The following COG3 variants were observed in gnomAD, a reference collection of about 807,000 sequenced individuals.
COG3 encodes the protein conserved oligomeric Golgi complex subunit 3.
Under a neutral mutation model 114.1 loss-of-function variants are expected in COG3, and 32 were observed. That is an observed-to-expected ratio of 0.28 (90% confidence interval 0.21 to 0.38). COG3 has a LOEUF of 0.38. COG3 is among the 10% of genes least tolerant of loss of function. COG3 has a pLI of 1.00. For synonymous variants in COG3, 352 were observed against 365.7 expected (o/e 0.96, Z 0.43); for missense variants, 813 against 973.2 (o/e 0.84, Z 2.19).
rs1046717478 is a variant in COG3 at position 45,534,954 on chromosome 13, T to C, written c.*223T>C. On this transcript the variant is annotated 3_prime_UTR_variant, in exon 23 of 23. Coordinates refer to ENST00000349995, the MANE Select transcript of COG3 (RefSeq NM_031431.4). ...ATGCCAAAGATTAATCTGTGATTGG[T>C]GATAACTGCCTCGTTTAAATGGTCA... The C allele has an allele frequency of 1.5e-5, 19 of 1,246,394 alleles. No homozygotes were observed. In the African/African-American group the frequency reaches 2.8e-4, roughly 18 times the overall value. The allele number at this position is 1,246,394 out of a possible 1,614,324, so 77.2% of individuals were successfully genotyped here. A position where few individuals can be genotyped will look rare whatever the true frequency, so the allele number is the denominator to read the frequency against.
chr13:45,491,428 A>G lies in COG3; in HGVS notation c.985A>G (p.Asn329Asp). The G allele has an allele frequency of 6.2e-7, 1 of 1,610,100 alleles. No homozygotes were observed. The highest frequency in any genetic ancestry group is 8.5e-7 in the Non-Finnish European group (1 of 1,178,904). The change falls in exon 10 of 23, where the codon AAT becomes GAT. Residue 329 changes from asparagine (N) to aspartate (D), a missense_variant. Physicochemically the swap from Asn to Asp is conservative, Grantham distance 23. Around this residue, in one of 2 missense-constraint regions of COG3, gnomAD observed 424 missense variants for 430.6 expected, o/e 0.98. Coordinates refer to ENST00000349995, the MANE Select transcript of COG3 (RefSeq NM_031431.4). ...EKIPEYQQLL[N>D]DIHQCYLDQR... ...TTCTGTCAGATACCAACAACTGCTA[A>G]ATGATATCCACCAGTGTTACCTTGA...
At chr13:45,510,405 A>G (rs547060511) in intron 15 of COG3, among the ~76,000 whole-genome samples, 20 of 152,348 alleles carry the variant, frequency 1.3e-4, no homozygotes, top group Admixed American at 6.5e-5. Context: ...TAGATGTCTC[A>G]GCCTTTTTGC....
At chr13:45,534,537 A>C in intron 22 of COG3, 165 bp from the exon 23 acceptor site, 1 of 427,990 alleles carries the variant, frequency 2.3e-6, no homozygotes, top group Non-Finnish European at 4.1e-6. Flanking sequence ...TTTATTTTTC[A>C]ACTTTTATTT....
rs142201249 is a variant in COG3 at position 45,504,861 on chromosome 13, C to T, written c.1594+1512C>T. ...ATGTGCCATAATTGTGTAAGATTCA[C>T]ACCAGATTTCCAAGACTTAGTATGA... On this transcript the variant is annotated intron_variant, in intron 14 of 22. Transcript: ENST00000349995. 5.0e-3 allele frequency among the ~76,000 whole-genome samples: 762 copies of T among 152,210 alleles called. 6 individuals are homozygous for T. Among genetic ancestry groups the T allele is most frequent in the African/African-American group, 0.017 (708 of 41,498 alleles).
chr13:45,532,759 G>A (rs1014293398), intron 22 of COG3, among the ~76,000 whole-genome samples: 1 of 151,596 alleles, frequency 6.6e-6, no homozygotes, highest in Non-Finnish European at 1.5e-5. Context: ...GGGTTTCACC[G>A]TGTTAGCCAG....
chr13:45,535,797 T>C lies in COG3; in HGVS notation c.*1066T>C, dbSNP rs1035242616. ...CATATCAGGGATCATAAATTATGCA[T>C]ATCTATGAATTTTCCAACAAATTCC... On this transcript the variant is annotated 3_prime_UTR_variant, in exon 23 of 23. Transcript: ENST00000349995. 9 of 987,592 alleles carry C rather than the reference T, an allele frequency of 9.1e-6. No homozygotes were observed. The highest frequency in any genetic ancestry group is 1.1e-5 in the Non-Finnish European group (9 of 830,070). The allele number at this position is 987,592 out of a possible 1,614,324, so 61.2% of individuals were successfully genotyped here.
At position 45,529,809 on chromosome 13, in the gene COG3, C is replaced by A. The variant is rs368277556; in HGVS notation, c.2249C>A (p.Ala750Glu). The A allele has an allele frequency of 1.9e-6, 3 of 1,610,410 alleles. No individual in the cohort carries two copies. In the South Asian group the frequency reaches 3.3e-5, roughly 18 times the overall value. The change falls in exon 21 of 23, where the codon GCG becomes GAG. Residue 750 changes from alanine (A) to glutamate (E), a missense_variant. Coordinates refer to ENST00000349995, the MANE Select transcript of COG3 (RefSeq NM_031431.4). Reference protein sequence around the residue: ...WAQPAKVNDLAATAYKTIKTK... With the variant: ...WAQPAKVNDLEATAYKTIKTK... Reference sequence around the variant, plus strand: ...TTTCCAGCAAAGGTCAATGACCTTGCGGCAACTGCATATAAGACAATAAAA... The same window carrying A: ...TTTCCAGCAAAGGTCAATGACCTTGAGGCAACTGCATATAAGACAATAAAA...
chr13:45,495,758 A>G (rs918231848), intron 12 of COG3, among the ~76,000 whole-genome samples: 2 of 152,174 alleles, frequency 1.3e-5, no homozygotes, highest in African/African-American at 4.8e-5. Flanking sequence ...TGAAAATGTT[A>G]ACAAGTCATT....
chr13:45,518,597 T>C (rs1282656578), intron 17 of COG3, among the ~76,000 whole-genome samples, 165 bp from the exon 18 acceptor site: 1 of 152,240 alleles, frequency 6.6e-6, no homozygotes, highest in African/African-American at 2.4e-5. Context: ...CTGTGAGTAC[T>C]GTAGCCATCA....
In COG3 at chr13:45,534,699, C is replaced by G; in HGVS notation, c.2458-3C>G. On this transcript the variant is annotated splice_region_variant and splice_polypyrimidine_tract_variant and intron_variant, in intron 22 of 22. Transcript: ENST00000349995. ...TAACATAGCTCTTAATTTTGCTTTT[C>G]AGCTGAGCCTTCTGCTGTTGGTTTC... The G allele has an allele frequency of 6.4e-7, 1 of 1,563,166 alleles. No individual in the cohort carries two copies. The highest frequency in any genetic ancestry group is 8.7e-7 in the Non-Finnish European group (1 of 1,152,928).
At chr13:45,519,181 C>A in intron 19 of COG3, 87 bp downstream of exon 19, 2 of 1,434,150 alleles carry the variant, frequency 1.4e-6, no homozygotes, top group Non-Finnish European at 1.9e-6. Flanking sequence ...TAAACTCTGG[C>A]AGAAGGAGAT....
chr13:45,505,767 C>A (rs562010580), intron 14 of COG3, among the ~76,000 whole-genome samples: 6 of 151,838 alleles, frequency 4.0e-5, no homozygotes, highest in Admixed American at 6.5e-5. Context: ...CCATTTTTTT[C>A]TTTTTTAATA....
At chr13:45,512,520 A>T (rs527496747) in intron 16 of COG3, among the ~76,000 whole-genome samples, 80 of 152,084 alleles carry the variant, frequency 5.3e-4, no homozygotes, top group Middle Eastern at 3.4e-3. Flanking sequence ...TTTTGTGGAG[A>T]CAGGATTTTG....
At chr13:45,474,149 C>CT (rs1885698152) in intron 1 of COG3, among the ~76,000 whole-genome samples, 1 of 103,362 alleles carries the variant, frequency 9.7e-6, no homozygotes, top group African/African-American at 4.3e-5. Flanking sequence ...TTCTTTTTTA[C>CT]TCTTTTTTTT....
chr13:45,521,655 T>A (rs540222326), intron 19 of COG3, among the ~76,000 whole-genome samples: 1 of 152,272 alleles, frequency 6.6e-6, no homozygotes, highest in East Asian at 1.9e-4. Flanking sequence ...GATTTTTCAC[T>A]TTTTACCTAG....
intron 1 of COG3, among the ~76,000 whole-genome samples, chr13:45,474,306 T>C (rs1306526742): frequency 3.3e-5 from 5 of 151,926 alleles, no homozygotes; most frequent in Non-Finnish European, 7.4e-5. Flanking sequence ...TACAGGCGCC[T>C]GCCACCATGC....
chr13:45,518,710 C>A, intron 17 of COG3, 52 bp from the exon 18 acceptor site: 1 of 1,388,748 alleles, frequency 7.2e-7, no homozygotes, highest in Non-Finnish European at 1.0e-6. Context: ...TTACTCATGG[C>A]TTTGCTGTTG....
In COG3 at chr13:45,534,948, GA is replaced by G. The variant is rs1440270975; in HGVS notation, c.*218del. The G allele has an allele frequency of 8.0e-6, 10 of 1,250,690 alleles. No homozygotes were observed. The highest frequency in any genetic ancestry group is 4.7e-5 in the African/African-American group (3 of 64,500). 77.5% of individuals were successfully genotyped at this position (1,250,690 alleles called of 1,614,324 possible). A position where few individuals can be genotyped will look rare whatever the true frequency, so the allele number is the denominator to read the frequency against. On this transcript the variant is annotated 3_prime_UTR_variant, in exon 23 of 23. Coordinates refer to ENST00000349995, the MANE Select transcript of COG3 (RefSeq NM_031431.4). ...ATCAAAATGCCAAAGATTAATCTGT[GA>G]TTGGTGATAACTGCCTCGTTTAAAT...
intron 16 of COG3, among the ~76,000 whole-genome samples, chr13:45,514,609 A>C (rs1871340072): frequency 6.6e-6 from 1 of 152,228 alleles, no homozygotes; most frequent in African/African-American, 2.4e-5. Context: ...TCAATTTGAT[A>C]GACACTAGCT....
Sources: allele counts gnomAD v4.1 joint callset (sites outside exome capture counted in the v4.1 genomes callset), GRCh38; gene constraint gnomAD v4.1.1; regional missense constraint gnomAD v4.1.1; transcripts MANE v1.5; gene names NCBI Gene and HGNC (gene_info 2026-07-23, HGNC 2026-07-21).